The following TNIK variants were observed in gnomAD, a reference collection of about 807,000 sequenced individuals.
TNIK encodes TRAF2 and NCK-interacting protein kinase.
A neutral mutation model predicts 191.3 loss-of-function variants in TNIK; 49 were observed. The observed-to-expected ratio is 0.26, with a 90% confidence interval of 0.20 to 0.32. The LOEUF (loss-of-function observed/expected upper bound fraction) is 0.32. Ranked by LOEUF, TNIK falls within the 10% of genes least tolerant of loss-of-function variation. The pLI, the probability that TNIK is intolerant of heterozygous loss-of-function variation, is 1.00. For missense variants in TNIK, 1,155 were observed against 1,702.3 expected, an observed-to-expected ratio of 0.68 and a Z score of 5.66; for synonymous variants, 594 against 600.9, an observed-to-expected ratio of 0.99 and a Z score of 0.17.
chr3:171,219,055 A>T (rs1259151165), intron 3 of TNIK, among the ~76,000 whole-genome samples: 1 of 111,910 alleles, frequency 8.9e-6, no homozygotes, highest in East Asian at 3.2e-4. Context: ...TATATTTAAT[A>T]TAATATATTA....
chr3:171,439,168 C>A (rs971198744), intron 1 of TNIK, among the ~76,000 whole-genome samples: 1 of 151,880 alleles, frequency 6.6e-6, no homozygotes, highest in African/African-American at 2.4e-5. Flanking sequence ...CATGGTGAAA[C>A]CCTGTCTCTA....
intron 18 of TNIK, among the ~76,000 whole-genome samples, chr3:171,112,524 CAT>C (rs1726000946): frequency 6.6e-6 from 1 of 152,164 alleles, no homozygotes; most frequent in Admixed American, 6.5e-5. Flanking sequence ...AAGGAACACA[CAT>C]AATCTCTGCA....
chr3:171,110,442 T>C (rs1034781774), intron 19 of TNIK, among the ~76,000 whole-genome samples: 1 of 152,186 alleles, frequency 6.6e-6, no homozygotes, highest in African/African-American at 2.4e-5. Context: ...TAAGTGACTG[T>C]ATTTTCAAAT....
At chr3:171,141,979 C>T (rs892331909) in intron 12 of TNIK, among the ~76,000 whole-genome samples, 1 of 152,184 alleles carries the variant, frequency 6.6e-6, no homozygotes, top group Non-Finnish European at 1.5e-5. Flanking sequence ...GTGTCTCAGC[C>T]CCAGCTAAAC....
chr3:171,280,222 T>C (rs6790981), intron 2 of TNIK, among the ~76,000 whole-genome samples: 74,164 of 151,966 alleles, frequency 0.49, 18,648 homozygotes, highest in African/African-American at 0.51. Context: ...AACCCTTGCC[T>C]AGGAACCAGA....
chr3:171,079,665 T>C lies in TNIK; in HGVS notation c.3314-13A>G, dbSNP rs200080119. 5 of 1,597,802 alleles carry C rather than the reference T, an allele frequency of 3.1e-6. No homozygotes were observed. The highest frequency in any genetic ancestry group is 3.4e-4 in the Middle Eastern group (2 of 5,964). On this transcript the variant is annotated splice_polypyrimidine_tract_variant and intron_variant, in intron 27 of 32. Coordinates refer to ENST00000436636, the MANE Select transcript of TNIK (RefSeq NM_015028.4). ...TTATTCTTCTTTCCTGTTGAAATAA[T>C]AGAGGTTTAATTTCAAATTGCTGTG...
intron 4 of TNIK, 59 bp downstream of exon 4, chr3:171,211,057 A>G: frequency 6.3e-7 from 1 of 1,592,174 alleles, no homozygotes; most frequent in Non-Finnish European, 8.5e-7. Flanking sequence ...AGAAAAATGA[A>G]CCATTTGGCC....
intron 2 of TNIK, among the ~76,000 whole-genome samples, chr3:171,336,309 G>A (rs1261344099): frequency 6.6e-6 from 1 of 152,046 alleles, no homozygotes; most frequent in Non-Finnish European, 1.5e-5. Context: ...AAATATCCTT[G>A]ATACTGTGCT....
chr3:171,262,485 G>C (rs1747769672), intron 2 of TNIK, among the ~76,000 whole-genome samples: 1 of 152,138 alleles, frequency 6.6e-6, no homozygotes, highest in Admixed American at 6.5e-5. Flanking sequence ...AAAGATAAAA[G>C]ATCAATGTCT....
At chr3:171,296,882 G>C (rs918978804) in intron 2 of TNIK, among the ~76,000 whole-genome samples, 4 of 152,114 alleles carry the variant, frequency 2.6e-5, no homozygotes, top group Admixed American at 6.5e-5. Context: ...AATATATTGA[G>C]TATTCTATCT....
intron 2 of TNIK, among the ~76,000 whole-genome samples, chr3:171,304,240 G>A (rs1205603738): frequency 6.6e-6 from 1 of 152,150 alleles, no homozygotes; most frequent in African/African-American, 2.4e-5. Flanking sequence ...GGAAAGCAGA[G>A]GAGGAGCCAT....
At chr3:171,402,581 G>A (rs1372549307) in intron 1 of TNIK, among the ~76,000 whole-genome samples, 2 of 152,200 alleles carry the variant, frequency 1.3e-5, no homozygotes, top group South Asian at 2.1e-4. Flanking sequence ...TAGATTGACC[G>A]TGATATAGTG....
intron 2 of TNIK, among the ~76,000 whole-genome samples, chr3:171,357,541 A>C (rs1714278323): frequency 6.9e-6 from 1 of 144,912 alleles, no homozygotes; most frequent in African/African-American, 2.6e-5. Flanking sequence ...CATCTGCCTC[A>C]GCCTCTGTAC....
intron 3 of TNIK, among the ~76,000 whole-genome samples, chr3:171,216,189 T>C (rs74823176): frequency 0.012 from 1,788 of 152,334 alleles, 33 homozygotes; most frequent in African/African-American, 0.041. Context: ...TGATATAGAA[T>C]GTGGTTTTTA....
intron 1 of TNIK, among the ~76,000 whole-genome samples, chr3:171,436,440 T>C (rs1164096380): frequency 6.6e-6 from 1 of 152,208 alleles, no homozygotes; most frequent in Non-Finnish European, 1.5e-5. Context: ...TCTTTTTAAT[T>C]CCAGCAATAG....
At chr3:171,233,949 T>C (rs1743968027) in intron 2 of TNIK, among the ~76,000 whole-genome samples, 1 of 152,170 alleles carries the variant, frequency 6.6e-6, no homozygotes, top group Non-Finnish European at 1.5e-5. Flanking sequence ...AATAAAAACC[T>C]GGAAGATGAT....
At chr3:171,419,732 T>C (rs1243445644) in intron 1 of TNIK, among the ~76,000 whole-genome samples, 1 of 152,182 alleles carries the variant, frequency 6.6e-6, no homozygotes, top group Non-Finnish European at 1.5e-5. Flanking sequence ...AACGAGGTAA[T>C]GCACAGTGCC....
At chr3:171,394,618 A>T (rs1209512601) in intron 1 of TNIK, among the ~76,000 whole-genome samples, 3 of 152,198 alleles carry the variant, frequency 2.0e-5, no homozygotes, top group African/African-American at 7.2e-5. Flanking sequence ...ACCTTATGAC[A>T]TCTCATCCTC....
intron 1 of TNIK, among the ~76,000 whole-genome samples, chr3:171,453,933 G>A (rs942576912): frequency 1.3e-5 from 2 of 152,066 alleles, no homozygotes; most frequent in African/African-American, 4.8e-5. Flanking sequence ...AATCACAAGC[G>A]GAATTCATCC....
Sources: allele counts gnomAD v4.1 joint callset (sites outside exome capture counted in the v4.1 genomes callset), GRCh38; gene constraint gnomAD v4.1.1; transcripts MANE v1.5; gene names NCBI Gene and HGNC (gene_info 2026-07-23, HGNC 2026-07-21).